The following IRAK2 variants were observed in gnomAD, a reference collection of about 807,000 sequenced individuals.
IRAK2 encodes interleukin 1 receptor associated kinase 2.
In IRAK2, 57 loss-of-function variants were observed where a neutral mutation model predicts 72.0. The ratio of observed to expected loss-of-function variants is 0.79; its 90% confidence interval spans 0.64 to 0.99. The LOEUF (loss-of-function observed/expected upper bound fraction) is 0.99, where lower values mean the gene tolerates loss of function less well. IRAK2 is among the 50% of genes least tolerant of loss of function. The pLI, the probability that IRAK2 is intolerant of heterozygous loss-of-function variation, is 0.00. For missense variants in IRAK2, 790 were observed against 794.4 expected (o/e 0.99, Z 0.07); for synonymous variants, 293 against 312.7 (o/e 0.94, Z 0.67).
At chr3:10,178,089 T>C in intron 2 of IRAK2, 69 bp downstream of exon 2, 2 of 1,252,416 alleles carry the variant, frequency 1.6e-6, no homozygotes, top group South Asian at 1.4e-5. Flanking sequence ...CCGTGTGAGT[T>C]GCACTCTCTG....
intron 1 of IRAK2, among the ~76,000 whole-genome samples, chr3:10,175,344 A>G (rs1219705970): frequency 6.6e-6 from 1 of 151,614 alleles, no homozygotes; most frequent in Non-Finnish European, 1.5e-5. Flanking sequence ...CCAGGCTAGT[A>G]TCGAACTCCT....
chr3:10,218,298 C>T (rs1373529788), intron 7 of IRAK2, among the ~76,000 whole-genome samples: 2 of 151,984 alleles, frequency 1.3e-5, no homozygotes, highest in Non-Finnish European at 2.9e-5. Context: ...GTGGCGTGTG[C>T]CTGTAGTACC....
intron 10 of IRAK2, among the ~76,000 whole-genome samples, chr3:10,230,288 C>G (rs542356065): frequency 1.3e-5 from 2 of 151,754 alleles, no homozygotes; most frequent in African/African-American, 2.4e-5. Context: ...AGTACCCCCC[C>G]CCACCGACAA....
At chr3:10,214,501 G>A (rs1329448731) in intron 6 of IRAK2, among the ~76,000 whole-genome samples, 1 of 149,322 alleles carries the variant, frequency 6.7e-6, no homozygotes, top group Non-Finnish European at 1.5e-5. Flanking sequence ...AAGATGTTGG[G>A]ATTATAGGTG....
intron 9 of IRAK2, among the ~76,000 whole-genome samples, chr3:10,224,836 T>C (rs1451384822): frequency 7.1e-6 from 1 of 141,672 alleles, no homozygotes; most frequent in East Asian, 2.0e-4. Context: ...GCCACCCTTT[T>C]GCTCAGCCCT....
At chr3:10,212,135 G>T (rs1375927260) in intron 4 of IRAK2, among the ~76,000 whole-genome samples, 1 of 151,810 alleles carries the variant, frequency 6.6e-6, no homozygotes, top group Non-Finnish European at 1.5e-5. Flanking sequence ...TATTAAAAAC[G>T]GAAACAGAAC....
chr3:10,177,119 T>C (rs1696889436), intron 1 of IRAK2, among the ~76,000 whole-genome samples: 1 of 152,134 alleles, frequency 6.6e-6, no homozygotes, highest in Non-Finnish European at 1.5e-5. Flanking sequence ...TTATTTTTTG[T>C]AGAGACAGGG....
intron 4 of IRAK2, among the ~76,000 whole-genome samples, chr3:10,211,231 T>G (rs1168309701): frequency 6.6e-6 from 1 of 151,884 alleles, no homozygotes; most frequent in Non-Finnish European, 1.5e-5. Flanking sequence ...AACCTCTGGT[T>G]CCCCAGTTTA....
At chr3:10,226,795 C>T (rs1697785137) in intron 10 of IRAK2, among the ~76,000 whole-genome samples, 1 of 151,482 alleles carries the variant, frequency 6.6e-6, no homozygotes, top group South Asian at 2.1e-4. Context: ...AAACCCCCAA[C>T]ATTATCCAGG....
At chr3:10,169,422 G>T (rs1696756285) in intron 1 of IRAK2, among the ~76,000 whole-genome samples, 1 of 152,126 alleles carries the variant, frequency 6.6e-6, no homozygotes, top group Non-Finnish European at 1.5e-5. Context: ...CCCCAGAGTG[G>T]CCATTTATAG....
chr3:10,240,319 T>C (rs1346078530), intron 12 of IRAK2, among the ~76,000 whole-genome samples: 4 of 150,914 alleles, frequency 2.7e-5, no homozygotes, highest in Admixed American at 2.6e-4. Context: ...TAGCTGGGTG[T>C]GGTGGCAGGC....
At position 10,177,842 on chromosome 3, in the gene IRAK2, C is replaced by T. The variant is rs1358463469; in HGVS notation, c.99C>T (p.Ser33=). Residue 33 remains serine, a synonymous_variant, in exon 2 of 13, where the codon TCC becomes TCT. Transcript: ENST00000256458. ...LSEWDWMEFA[S]YVITDLTQLR... ...AGTTCTCTCCGTCCCTTCCAGCCTC[C>T]TACGTGATCACAGACCTGACCCAGC... 1 of 1,612,440 alleles carries T rather than the reference C, an allele frequency of 6.2e-7. No homozygotes were observed. Among genetic ancestry groups the T allele is most frequent in the Non-Finnish European group, 8.5e-7 (1 of 1,180,004 alleles).
At chr3:10,210,512 C>A in intron 4 of IRAK2, among the ~76,000 whole-genome samples, 1 of 152,172 alleles carries the variant, frequency 6.6e-6, no homozygotes, top group East Asian at 1.9e-4. Context: ...GTTCTGATGG[C>A]CCCTAAAAGT....
chr3:10,222,713 G>A lies in IRAK2; in HGVS notation c.1091G>A (p.Arg364Lys). ...GCTCATCTGTGTCCTGTCAACAAAA[G>A]GTCAAAATACACCATGATGAAGACT... ...PMAHLCPVNK[R>K]SKYTMMKTHL... Residue 364 changes from arginine to lysine, a missense_variant, in exon 9 of 13, where the codon AGG becomes AAG. Arg to Lys is a conservative substitution (Grantham distance 26, BLOSUM62 2). Coordinates refer to ENST00000256458, the MANE Select transcript of IRAK2 (RefSeq NM_001570.4). 6.2e-7 allele frequency: 1 copy of A among 1,614,154 alleles called. No individual in the cohort carries two copies.
At chr3:10,185,517 C>G (rs989326579) in intron 2 of IRAK2, among the ~76,000 whole-genome samples, 1 of 130,336 alleles carries the variant, frequency 7.7e-6, no homozygotes, top group Admixed American at 8.5e-5. Flanking sequence ...AAGATCGCAC[C>G]ATTGTACTCC....
rs868091278 is a variant in IRAK2, at chr3:10,164,996, C to G, written c.42C>G (p.Asp14Glu). 1 of 1,611,786 alleles carries G rather than the reference C, an allele frequency of 6.2e-7. No individual in the cohort carries two copies. The highest frequency in any genetic ancestry group is 1.1e-5 in the South Asian group (1 of 90,980). Residue 14 changes from aspartate (D) to glutamate (E), a missense_variant, in exon 1 of 13, where the codon GAC (aspartate) becomes GAG (glutamate). Asp to Glu is a conservative substitution (Grantham distance 45). Coordinates refer to ENST00000256458, the MANE Select transcript of IRAK2 (RefSeq NM_001570.4). ...ACCAGCTGCCCTCCTGGGTGCTGGA[C>G]GACCTGTGCCGCAACATGGACGCGC... ...YIYQLPSWVL[D>E]DLCRNMDALS...
rs998721063 is a variant in IRAK2, at chr3:10,240,812, G to T, written c.1766-1304G>T. Among the ~76,000 whole-genome samples the T allele has an allele frequency of 3.3e-5, 5 of 151,492 alleles. No individual in the cohort carries two copies. In the South Asian group the frequency reaches 1.0e-3, roughly 32 times the overall value. ...AACCTCAGGTGATCCGCCCACCTCG[G>T]CCTCCCAAAGTGCTAGGATTATAGG... is the stretch of plus-strand genomic sequence containing the variant. On this transcript the variant is annotated intron_variant, in intron 12 of 12. Transcript: ENST00000256458.
chr3:10,181,989 A>G (rs1365931350), intron 2 of IRAK2, among the ~76,000 whole-genome samples: 2 of 122,468 alleles, frequency 1.6e-5, no homozygotes, highest in Non-Finnish European at 1.6e-5. Flanking sequence ...TTTTTTTGAG[A>G]TGGAGTCTTG....
intron 9 of IRAK2, among the ~76,000 whole-genome samples, chr3:10,225,406 C>T (rs1479486803): frequency 1.3e-5 from 2 of 152,280 alleles, no homozygotes; most frequent in Non-Finnish European, 2.9e-5. Context: ...CTGTAGAGCC[C>T]TTAGCCATCA....
Sources: gnomAD v4.1 joint callset for allele counts (sites outside exome capture counted in the v4.1 genomes callset) on GRCh38, gnomAD v4.1.1 for gene constraint, MANE v1.5 for transcripts, NCBI Gene and HGNC (gene_info 2026-07-23, HGNC 2026-07-21) for gene names.